Variants in FRAS1 observed in about 807,000 individuals in gnomAD.
The protein encoded by FRAS1 is Fraser extracellular matrix complex subunit 1, also known as extracellular matrix organizing protein FRAS1.
FRAS1 carries 290 observed loss-of-function variants against 435.2 expected under a neutral mutation model. That is an observed-to-expected ratio of 0.67 (90% CI 0.61 to 0.73). The LOEUF is 0.73. Among genes scored for constraint, FRAS1 ranks in the 30% least tolerant of loss-of-function variants. The pLI, the probability that FRAS1 is intolerant of heterozygous loss-of-function variation, is 0.00. For synonymous variants in FRAS1, 1,800 were observed against 1,851.0 expected (o/e 0.97, Z 0.71); for missense variants, 4,860 against 5,001.5 (o/e 0.97, Z 0.85).
intron 22 of FRAS1, among the ~76,000 whole-genome samples, chr4:78,365,747 A>C (rs985232100): frequency 9.6e-5 from 10 of 104,490 alleles, no homozygotes; most frequent in South Asian, 5.6e-4. Flanking sequence ...TAAAAAAAAA[A>C]AAACAAAAAA....
Position 78,473,472 on chromosome 4 carries a change from G to C in FRAS1, c.7557G>C (p.Leu2519Phe). Residue 2519 changes from leucine (L) to phenylalanine (F), a missense_variant, in exon 53 of 74, where the codon TTG (leucine) becomes TTC (phenylalanine). By Grantham distance (22) the Leu-to-Phe change is conservative (BLOSUM62 0). Coordinates refer to ENST00000512123, the MANE Select transcript of FRAS1 (RefSeq NM_025074.7). ...DVNLGLIRYV[L>F]HKEKIREMMD... ...ACTTGGGGTTGATTCGTTATGTGTTGCACAAGGAGAAGATCCGTGAGATGA... is the reference window on the plus strand; with the variant it reads ...ACTTGGGGTTGATTCGTTATGTGTTCCACAAGGAGAAGATCCGTGAGATGA... 1 of 1,613,500 alleles carries C rather than the reference G, an allele frequency of 6.2e-7. No homozygotes were observed. The highest frequency in any genetic ancestry group is 1.1e-5 in the South Asian group (1 of 91,012).
chr4:78,063,470 G>A (rs529164387), intron 1 of FRAS1, among the ~76,000 whole-genome samples: 2 of 152,288 alleles, frequency 1.3e-5, no homozygotes, highest in Middle Eastern at 3.4e-3. Flanking sequence ...AGCTCTCAGA[G>A]GGCAAAGCTT....
At chr4:78,155,365 A>G (rs542669133) in intron 2 of FRAS1, among the ~76,000 whole-genome samples, 38 of 152,374 alleles carry the variant, frequency 2.5e-4, no homozygotes, top group African/African-American at 8.7e-4. Flanking sequence ...AACAAACTGA[A>G]AACTGAAAAC....
chr4:78,294,570 T>C (rs552909167), intron 14 of FRAS1, among the ~76,000 whole-genome samples: 8 of 152,362 alleles, frequency 5.3e-5, no homozygotes, highest in African/African-American at 1.7e-4. Context: ...GTCCTCTGAC[T>C]TATGAAGCAA....
At chr4:78,355,782 C>G (rs148030848) in intron 20 of FRAS1, among the ~76,000 whole-genome samples, 21 of 152,252 alleles carry the variant, frequency 1.4e-4, no homozygotes, top group African/African-American at 4.6e-4. Flanking sequence ...TGGGCAGGAA[C>G]AGGCATGGAA....
rs79769348 is a variant in FRAS1, at chr4:78,521,476, G to A, written c.10541-47G>A. 2.6e-4 allele frequency: 350 copies of A among 1,345,212 alleles called. 3 individuals are homozygous for A. The East Asian group carries it at 5.6e-3, about 21-fold the overall frequency. 83.3% of individuals were successfully genotyped at this position (1,345,212 alleles called of 1,614,324 possible). A position where few individuals can be genotyped will look rare whatever the true frequency, so the allele number is the denominator to read the frequency against. On this transcript the variant is annotated intron_variant, in intron 67 of 73. Coordinates refer to ENST00000512123, the MANE Select transcript of FRAS1 (RefSeq NM_025074.7). Reference sequence around the variant, plus strand: ...TAACTTATATGTGGTTGCTGTCAGGGAGGAATTTTCCATGCCCTAGCATTT... The same window carrying A: ...TAACTTATATGTGGTTGCTGTCAGGAAGGAATTTTCCATGCCCTAGCATTT...
intron 4 of FRAS1, among the ~76,000 whole-genome samples, chr4:78,248,710 A>G (rs1434806802): frequency 6.6e-6 from 1 of 152,128 alleles, no homozygotes; most frequent in Admixed American, 6.6e-5. Context: ...GGAACAAATT[A>G]TATGAAGAAA....
chr4:78,496,812 A>T lies in FRAS1; in HGVS notation c.8966A>T (p.Asn2989Ile), dbSNP rs1267920613. ...ITFLKGDKVKNCTVYIHDDSM... is the reference protein window; with the variant it reads ...ITFLKGDKVKICTVYIHDDSM... Reference sequence around the variant, plus strand: ...TTGTGCCATTGGCTCTAGGTGAAGAACTGTACGGTCTATATCCACGATGAC... The same window carrying T: ...TTGTGCCATTGGCTCTAGGTGAAGATCTGTACGGTCTATATCCACGATGAC... Residue 2989 changes from asparagine (N) to isoleucine (I), a missense_variant, in exon 60 of 74, where the codon AAC becomes ATC. Physicochemically the swap from Asn to Ile is moderately radical, Grantham distance 149. Coordinates refer to ENST00000512123, the MANE Select transcript of FRAS1 (RefSeq NM_025074.7). 6.2e-7 allele frequency: 1 copy of T among 1,612,734 alleles called. No individual in the cohort carries two copies. Among genetic ancestry groups the T allele is most frequent in the Admixed American group, 1.7e-5 (1 of 59,814 alleles).
chr4:78,488,840 T>C (rs1462453857), intron 58 of FRAS1, 35 bp from the exon 59 acceptor site: 20 of 1,589,130 alleles, frequency 1.3e-5, no homozygotes, highest in Non-Finnish European at 1.6e-5. Context: ...TGTCTTCCAC[T>C]AATGGTGCGT....
chr4:78,338,459 A>G (rs1244696928), intron 20 of FRAS1, among the ~76,000 whole-genome samples: 1 of 152,220 alleles, frequency 6.6e-6, no homozygotes, highest in East Asian at 1.9e-4. Context: ...GAAGGAGACA[A>G]TGACTCCACC....
At chr4:78,354,289 G>A (rs925371509) in intron 20 of FRAS1, among the ~76,000 whole-genome samples, 4 of 152,046 alleles carry the variant, frequency 2.6e-5, no homozygotes, top group Admixed American at 2.6e-4. Flanking sequence ...TGTTTTATTT[G>A]GTTAGTTTTT....
intron 20 of FRAS1, among the ~76,000 whole-genome samples, chr4:78,347,575 C>G (rs147215742): frequency 2.2e-4 from 34 of 152,310 alleles, no homozygotes; most frequent in African/African-American, 8.2e-4. Flanking sequence ...CCACGCCACA[C>G]TGCTCTGTTC....
At chr4:78,487,024 A>G (rs1720191531) in intron 58 of FRAS1, among the ~76,000 whole-genome samples, 1 of 152,166 alleles carries the variant, frequency 6.6e-6, no homozygotes, top group Admixed American at 6.5e-5. Flanking sequence ...AAGAAAAAAC[A>G]ATCTAAAGCT....
intron 26 of FRAS1, 138 bp downstream of exon 26, chr4:78,376,017 G>A (rs1731746676): frequency 1.1e-6 from 1 of 920,280 alleles, no homozygotes; most frequent in Non-Finnish European, 1.7e-6. Context: ...TGCTACTAAG[G>A]AGTAAGGGAC....
At chr4:78,181,791 C>CGCTGCG in intron 2 of FRAS1, 1 of 1,611,782 alleles carries the variant, frequency 6.2e-7, no homozygotes, top group African/African-American at 1.3e-5. Context: ...ACCACGCCAA[C>CGCTGCG]GCTGCGGGGC....
At chr4:78,537,229 A>G (rs1380221088) in intron 72 of FRAS1, 29 bp downstream of exon 72, 2 of 1,595,868 alleles carry the variant, frequency 1.3e-6, no homozygotes, top group African/African-American at 2.7e-5. Flanking sequence ...ATTAGTGTTA[A>G]AGAGCAGACA....
At position 78,323,301 on chromosome 4, in the gene FRAS1, CTGAG is replaced by C. The variant is rs571395672; in HGVS notation, c.2137+4317_2137+4320del. 6.8e-4 allele frequency among the ~76,000 whole-genome samples: 104 copies of C among 152,266 alleles called. 1 individual carries two copies. Among genetic ancestry groups the C allele is most frequent in the African/African-American group, 2.4e-3 (101 of 41,542 alleles). ...TGTGCACATTTATTAAATATTACTACTGAGTATTAGCAAAAAGAATTGTAGTAAT... is the reference window on the plus strand; with the variant it reads ...TGTGCACATTTATTAAATATTACTACTATTAGCAAAAAGAATTGTAGTAAT... On this transcript the variant is annotated intron_variant, in intron 18 of 73. Transcript: ENST00000512123.
chr4:78,190,240 A>G (rs1245286071), intron 2 of FRAS1, among the ~76,000 whole-genome samples: 10 of 151,890 alleles, frequency 6.6e-5, no homozygotes, highest in African/African-American at 1.9e-4. Flanking sequence ...TCCTTTCCTC[A>G]CATGTCAGTC....
At chr4:78,399,727 C>T (rs957094653) in intron 29 of FRAS1, among the ~76,000 whole-genome samples, 10 of 152,278 alleles carry the variant, frequency 6.6e-5, no homozygotes, top group Middle Eastern at 3.4e-3. Context: ...TTGCTGTCTA[C>T]GATGAATTTA....
Sources: allele counts gnomAD v4.1 joint callset (sites outside exome capture counted in the v4.1 genomes callset), GRCh38; gene constraint gnomAD v4.1.1; transcripts MANE v1.5; gene names NCBI Gene and HGNC (gene_info 2026-07-23, HGNC 2026-07-21).